USH2A: variants seen among roughly 807,000 people sequenced by gnomAD.
The protein encoded by USH2A is usherin.
In USH2A, 443 loss-of-function variants were observed where a neutral mutation model predicts 538.9. That is an observed-to-expected ratio of 0.82 (90% CI 0.76 to 0.89). The LOEUF (loss-of-function observed/expected upper bound fraction) is 0.89. USH2A is among the 40% of genes least tolerant of loss of function. The pLI is 0.00. For synonymous variants in USH2A, 2,413 were observed against 2,273.5 expected (o/e 1.06, Z -1.75); for missense variants, 6,633 against 6,324.8 (o/e 1.05, Z -1.65).
chr1:216,362,671 G>A (rs991922103), intron 4 of USH2A, among the ~76,000 whole-genome samples: 7 of 151,842 alleles, frequency 4.6e-5, no homozygotes, highest in Non-Finnish European at 7.4e-5. Context: ...GGCAGGGTGC[G>A]GTGGCTCACG....
chr1:215,629,772 T>C (rs1211978246), intron 70 of USH2A, among the ~76,000 whole-genome samples: 1 of 146,010 alleles, frequency 6.8e-6, no homozygotes, highest in South Asian at 2.1e-4. Context: ...TCTTTTCTTT[T>C]CTTTTTTTTT....
At chr1:215,721,934 A>G (rs1659672879) in intron 61 of USH2A, among the ~76,000 whole-genome samples, 1 of 152,058 alleles carries the variant, frequency 6.6e-6, no homozygotes, top group Non-Finnish European at 1.5e-5. Context: ...GCATGGTGGC[A>G]TGCACCTATA....
At position 216,422,293 on chromosome 1, in the gene USH2A, T is replaced by A; in HGVS notation, c.44A>T (p.Gln15Leu). The A allele has an allele frequency of 6.2e-7, 1 of 1,613,788 alleles. No individual in the cohort carries two copies. Among genetic ancestry groups the A allele is most frequent in the South Asian group, 1.1e-5 (1 of 91,080 alleles). ...GGCAAAGATCAACATTTCAATGACCTGAAACAAGAAGCCAGAGCCCAATGA... is the reference window on the plus strand; with the variant it reads ...GGCAAAGATCAACATTTCAATGACCAGAAACAAGAAGCCAGAGCCCAATGA... ...VLSLGSGFLF[Q>L]VIEMLIFAYF... The change falls in exon 2 of 72, where the codon CAG becomes CTG. Residue 15 changes from glutamine to leucine, a missense_variant. Gln to Leu is a moderately radical substitution (Grantham distance 113). Coordinates refer to ENST00000307340, the MANE Select transcript of USH2A (RefSeq NM_206933.4).
chr1:215,848,810 T>C (rs1663935536), intron 44 of USH2A, among the ~76,000 whole-genome samples: 1 of 152,228 alleles, frequency 6.6e-6, no homozygotes. Context: ...TACAATTTTA[T>C]ACATGTTCCT....
At chr1:216,238,912 C>T (rs553905960) in intron 13 of USH2A, among the ~76,000 whole-genome samples, 2 of 152,200 alleles carry the variant, frequency 1.3e-5, no homozygotes, top group African/African-American at 4.8e-5. Context: ...ATGCTGTCTG[C>T]CCCTGTGGTA....
intron 58 of USH2A, among the ~76,000 whole-genome samples, chr1:215,757,402 C>T (rs1490061789): frequency 1.3e-5 from 2 of 152,130 alleles, no homozygotes; most frequent in Admixed American, 1.3e-4. Context: ...CCTGTTTTGA[C>T]TGTTCAATTC....
intron 4 of USH2A, among the ~76,000 whole-genome samples, chr1:216,344,956 T>A (rs2038146620): frequency 6.6e-6 from 1 of 151,348 alleles, no homozygotes; most frequent in Admixed American, 6.6e-5. Context: ...GGTGACATAA[T>A]TAGGCATGCA....
At chr1:215,841,355 C>G (rs1005582378) in intron 46 of USH2A, among the ~76,000 whole-genome samples, 11 of 152,036 alleles carry the variant, frequency 7.2e-5, no homozygotes, top group African/African-American at 2.7e-4. Context: ...ACACATGGAC[C>G]AATGGAACGG....
At chr1:216,194,777 C>T (rs2034800371) in intron 19 of USH2A, among the ~76,000 whole-genome samples, 2 of 152,070 alleles carry the variant, frequency 1.3e-5, no homozygotes, top group Admixed American at 6.6e-5. Context: ...GCATATTCCA[C>T]ATTTGAGAAT....
At chr1:215,762,545 G>A (rs897115659) in intron 56 of USH2A, among the ~76,000 whole-genome samples, 5 of 152,268 alleles carry the variant, frequency 3.3e-5, no homozygotes, top group Admixed American at 1.3e-4. Flanking sequence ...TTGATAATAT[G>A]GAGTTCAAAT....
chr1:216,033,844 C>A (rs1669183062), intron 32 of USH2A, among the ~76,000 whole-genome samples: 2 of 151,976 alleles, frequency 1.3e-5, no homozygotes, highest in Admixed American at 1.3e-4. Flanking sequence ...TGTCTTAAAA[C>A]AAGAACAGCA....
chr1:215,648,437 G>T lies in USH2A; in HGVS notation c.14582+91C>A, dbSNP rs1656931006. The stretch of plus-strand genomic sequence containing the variant: ...GAGTGCCAGGTAGCTATACAGGTTT[G>T]TAGCCTAGGTGCAGAGTAGGCTATA... On this transcript the variant is annotated intron_variant, in intron 66 of 71. Transcript: ENST00000307340. 5.2e-6 allele frequency: 7 copies of T among 1,353,414 alleles called. No homozygotes were observed. In the Admixed American group the frequency reaches 8.4e-5, roughly 16 times the overall value. The allele number at this position is 1,353,414 out of a possible 1,614,324, so 83.8% of individuals were successfully genotyped here.
intron 11 of USH2A, among the ~76,000 whole-genome samples, chr1:216,262,438 CAA>C (rs1239377632): frequency 1.3e-5 from 2 of 151,696 alleles, no homozygotes; most frequent in Non-Finnish European, 2.9e-5. Context: ...AAAATACAAT[CAA>C]GAGTTTTGAC....
At chr1:216,199,127 T>C (rs2034922759) in intron 17 of USH2A, among the ~76,000 whole-genome samples, 1 of 152,228 alleles carries the variant, frequency 6.6e-6, no homozygotes, top group Non-Finnish European at 1.5e-5. Flanking sequence ...ATGATATAAA[T>C]GATTAAAAAT....
intron 46 of USH2A, among the ~76,000 whole-genome samples, chr1:215,839,863 A>C (rs1663627280): frequency 6.6e-6 from 1 of 152,208 alleles, no homozygotes; most frequent in African/African-American, 2.4e-5. Flanking sequence ...GATTATTCAA[A>C]AAGTAGATAC....
chr1:216,083,336 A>T (rs1366492200), intron 26 of USH2A, 120 bp downstream of exon 26: 1 of 1,186,028 alleles, frequency 8.4e-7, no homozygotes, highest in East Asian at 2.5e-5. Flanking sequence ...TGGGAAAAAA[A>T]ATGAACAAAT....
At chr1:216,066,197 A>C (rs1438210949) in intron 30 of USH2A, among the ~76,000 whole-genome samples, 1 of 151,592 alleles carries the variant, frequency 6.6e-6, no homozygotes, top group Admixed American at 6.6e-5. Flanking sequence ...CTGGCCGGGC[A>C]CTGTGGCTCA....
chr1:216,048,094 C>G (rs1039584922), intron 31 of USH2A, among the ~76,000 whole-genome samples: 1 of 152,108 alleles, frequency 6.6e-6, no homozygotes, highest in African/African-American at 2.4e-5. Context: ...TAATTGTTGC[C>G]TGTGCTGCTG....
chr1:216,401,789 A>G (rs1380730643), intron 3 of USH2A, among the ~76,000 whole-genome samples: 16 of 152,114 alleles, frequency 1.1e-4, no homozygotes, highest in Admixed American at 1.0e-3. Flanking sequence ...ACAGAACTTT[A>G]ACATGCATGA....
Sources: allele counts gnomAD v4.1 joint callset (sites outside exome capture counted in the v4.1 genomes callset), GRCh38; gene constraint gnomAD v4.1.1; transcripts MANE v1.5; gene names NCBI Gene and HGNC (gene_info 2026-07-23, HGNC 2026-07-21).